The following USP6NL variants were observed in gnomAD, a reference collection of about 807,000 sequenced individuals.
The protein encoded by USP6NL is USP6 N-terminal like.
In USP6NL, 26 loss-of-function variants were observed where a neutral mutation model predicts 61.9. That is an observed-to-expected ratio of 0.42 (90% CI 0.31 to 0.58). The LOEUF (loss-of-function observed/expected upper bound fraction) is 0.58. Among genes scored for constraint, USP6NL ranks in the 20% least tolerant of loss-of-function variants. The probability of loss-of-function intolerance (pLI) is 0.16; values close to 1 mark genes in which losing one functional copy is unlikely to be tolerated. For synonymous variants in USP6NL, 432 were observed against 390.1 expected (o/e 1.11, Z -1.27); for missense variants, 1,114 against 1,034.3 (o/e 1.08, Z -1.06).
chr10:11,475,142 A>C (rs1251558083), intron 14 of USP6NL, among the ~76,000 whole-genome samples: 1 of 152,204 alleles, frequency 6.6e-6, no homozygotes, highest in Non-Finnish European at 1.5e-5. Context: ...CTTCATCTGA[A>C]TAGAAGACAG....
Position 11,574,459 on chromosome 10 carries a change from C to T in USP6NL, c.4+23172G>A, listed in dbSNP as rs1837471465. Among the ~76,000 whole-genome samples the T allele has an allele frequency of 6.6e-6, 1 of 152,186 alleles. No homozygotes were observed. The highest frequency in any genetic ancestry group is 1.5e-5 in the Non-Finnish European group (1 of 68,034). ...AAACAAGTATAACCACTGCTCCTTC[C>T]ATATGATGTTTAACAGCCAAGTTGT... On this transcript the variant is annotated intron_variant, in intron 2 of 14. Coordinates refer to ENST00000609104, the MANE Select transcript of USP6NL (RefSeq NM_014688.5). The surrounding 1 kb of genome is among the most constrained non-coding windows in gnomAD (Gnocchi z 4.3).
intron 2 of USP6NL, among the ~76,000 whole-genome samples, chr10:11,573,040 T>G: frequency 6.6e-6 from 1 of 151,960 alleles, no homozygotes; most frequent in East Asian, 1.9e-4. Context: ...AATATAAGAC[T>G]GTTTTTAATA....
chr10:11,477,118 C>T (rs1421259310), intron 14 of USP6NL, among the ~76,000 whole-genome samples: 4 of 152,164 alleles, frequency 2.6e-5, no homozygotes, highest in African/African-American at 9.7e-5. Flanking sequence ...GTGATCTGCC[C>T]GCCTTGGCCT....
intron 7 of USP6NL, among the ~76,000 whole-genome samples, chr10:11,498,877 C>G (rs1450194435): frequency 2.0e-5 from 3 of 152,098 alleles, no homozygotes; most frequent in Admixed American, 6.5e-5. Flanking sequence ...TCAACTCCTA[C>G]TTTTAGAGTA....
rs1179740139 is a variant in USP6NL at position 11,589,911 on chromosome 10, A to G, written c.4+7720T>C. On this transcript the variant is annotated intron_variant, in intron 2 of 14. Coordinates refer to ENST00000609104, the MANE Select transcript of USP6NL (RefSeq NM_014688.5). The surrounding 1 kb of genome is among the most constrained non-coding windows in gnomAD (Gnocchi z 4.7). The stretch of plus-strand genomic sequence containing the variant: ...TACCAAGGCAATGCCAGGGGAAGTC[A>G]GTTTCTAAATTCAGAGGGAAAAGAC... 6.6e-6 allele frequency among the ~76,000 whole-genome samples: 1 copy of G among 152,182 alleles called. No homozygotes were observed. Among genetic ancestry groups the G allele is most frequent in the African/African-American group, 2.4e-5 (1 of 41,448 alleles).
intron 2 of USP6NL, among the ~76,000 whole-genome samples, chr10:11,535,821 T>C (rs1400287564): frequency 1.3e-5 from 2 of 152,254 alleles, no homozygotes; most frequent in African/African-American, 4.8e-5. Flanking sequence ...TATTTTTAAA[T>C]GTTGAAATCT....
chr10:11,484,649 G>C (rs564984698), intron 13 of USP6NL, among the ~76,000 whole-genome samples: 11 of 152,224 alleles, frequency 7.2e-5, no homozygotes, highest in Non-Finnish European at 1.5e-4. Flanking sequence ...TGATGAAAAG[G>C]ACAAGGGATC....
chr10:11,502,728 T>C (rs1220431600), intron 6 of USP6NL, among the ~76,000 whole-genome samples: 15 of 152,172 alleles, frequency 9.9e-5, no homozygotes, highest in Admixed American at 9.8e-4. Context: ...TGAAGGTGAG[T>C]GACAAAGATG....
intron 7 of USP6NL, among the ~76,000 whole-genome samples, chr10:11,500,093 C>G (rs1255267493): frequency 6.6e-6 from 1 of 152,096 alleles, no homozygotes; most frequent in Non-Finnish European, 1.5e-5. Context: ...TGCATGTTCT[C>G]ACTTATAAGT....
Position 11,532,410 on chromosome 10 carries a change from T to C in USP6NL, c.5-4843A>G. ...CAAGAAGAAAAAGTTTGAGATGCAC[T>C]CTGTCTTCTTCTAAGGGAGAAAAAA... On this transcript the variant is annotated intron_variant, in intron 2 of 14. Transcript: ENST00000609104. This position sits in a 1 kb window ranked among gnomAD's most constrained non-coding sequence, Gnocchi z 4.1. 2 of 531,840 alleles carry C rather than the reference T, an allele frequency of 3.8e-6. No individual in the cohort carries two copies. The highest frequency in any genetic ancestry group is 6.6e-6 in the Non-Finnish European group (2 of 305,308). 32.9% of individuals were successfully genotyped at this position (531,840 alleles called of 1,614,324 possible). A position where few individuals can be genotyped will look rare whatever the true frequency, so the allele number is the denominator to read the frequency against.
chr10:11,590,738 A>G (rs1838135789), intron 2 of USP6NL, among the ~76,000 whole-genome samples: 1 of 152,044 alleles, frequency 6.6e-6, no homozygotes, highest in Non-Finnish European at 1.5e-5. Context: ...AATATTTAAG[A>G]GGATTAATTT....
At chr10:11,512,140 T>C (rs1198802565) in intron 5 of USP6NL, among the ~76,000 whole-genome samples, 1 of 152,146 alleles carries the variant, frequency 6.6e-6, no homozygotes, top group Admixed American at 6.5e-5. Context: ...CATCTTGCCA[T>C]AGACTCAACC....
At position 11,587,547 on chromosome 10, in the gene USP6NL, G is replaced by C. The variant is rs191585074; in HGVS notation, c.4+10084C>G. Among the ~76,000 whole-genome samples the C allele has an allele frequency of 2.3e-3, 351 of 152,154 alleles. 1 individual carries two copies. The highest frequency in any genetic ancestry group is 8.1e-3 in the African/African-American group (335 of 41,500). ...AAAATGTCCATTTATTCTATTTTTGGCTAAAGAAAATGTATCAGGACAAAG... is the reference window on the plus strand; with the variant it reads ...AAAATGTCCATTTATTCTATTTTTGCCTAAAGAAAATGTATCAGGACAAAG... On this transcript the variant is annotated intron_variant, in intron 2 of 14. Coordinates refer to ENST00000609104, the MANE Select transcript of USP6NL (RefSeq NM_014688.5). This position sits in a 1 kb window ranked among gnomAD's most constrained non-coding sequence, Gnocchi z 4.5.
chr10:11,583,495 C>T (rs1379024906), intron 2 of USP6NL, among the ~76,000 whole-genome samples: 4 of 151,754 alleles, frequency 2.6e-5, no homozygotes, highest in African/African-American at 9.7e-5. Context: ...CCGGCTACTA[C>T]ATTTTCAATT....
intron 2 of USP6NL, among the ~76,000 whole-genome samples, chr10:11,593,034 G>A (rs1456617630): frequency 7.2e-5 from 11 of 151,988 alleles, no homozygotes; most frequent in East Asian, 1.9e-4. Context: ...ATTTCATATC[G>A]AAAAATGACC....
Position 11,501,966 on chromosome 10 carries a change from T to C in USP6NL, c.277-758A>G, listed in dbSNP as rs564074521. 1.1e-3 allele frequency among the ~76,000 whole-genome samples: 167 copies of C among 152,252 alleles called. 2 individuals are homozygous for C. The highest frequency in any genetic ancestry group is 3.7e-3 in the African/African-American group (155 of 41,558). On this transcript the variant is annotated intron_variant, in intron 6 of 14. Coordinates refer to ENST00000609104, the MANE Select transcript of USP6NL (RefSeq NM_014688.5). ...TTTGAATGAAATTAGGCATGAAACATTGGTATCATCAGCTGGGCGCAGTGG... is the reference window on the plus strand; with the variant it reads ...TTTGAATGAAATTAGGCATGAAACACTGGTATCATCAGCTGGGCGCAGTGG...
chr10:11,579,126 T>C (rs1837653661), intron 2 of USP6NL, among the ~76,000 whole-genome samples: 1 of 152,376 alleles, frequency 6.6e-6, no homozygotes, highest in South Asian at 2.1e-4. Context: ...ATTTACTATG[T>C]GCTAGGTAGG....
intron 2 of USP6NL, among the ~76,000 whole-genome samples, chr10:11,590,734 T>G (rs935793542): frequency 6.6e-6 from 1 of 151,954 alleles, no homozygotes; most frequent in Non-Finnish European, 1.5e-5. Context: ...GACGAATATT[T>G]AAGAGGATTA....
At chr10:11,533,371 A>C (rs1835726906) in intron 2 of USP6NL, among the ~76,000 whole-genome samples, 1 of 152,264 alleles carries the variant, frequency 6.6e-6, no homozygotes, top group South Asian at 2.1e-4. Context: ...CTGCCCTGCC[A>C]GGGATGTCCA....
Sources: gnomAD v4.1 joint callset for allele counts (sites outside exome capture counted in the v4.1 genomes callset) on GRCh38, gnomAD v4.1.1 for gene constraint, Gnocchi (gnomAD v3.1) non-coding constraint, MANE v1.5 for transcripts, NCBI Gene and HGNC (gene_info 2026-07-23, HGNC 2026-07-21) for gene names.